The following MAST4 variants were observed in gnomAD, a reference collection of about 807,000 sequenced individuals.
MAST4 encodes the protein microtubule-associated serine/threonine-protein kinase 4.
A neutral mutation model predicts 162.7 loss-of-function variants in MAST4; 89 were observed. That is an observed-to-expected ratio of 0.55 (90% CI 0.46 to 0.65). MAST4 has a LOEUF of 0.65. Among genes scored for constraint, MAST4 ranks in the 30% least tolerant of loss-of-function variants. The pLI is 0.00. For missense variants in MAST4, 3,153 were observed against 3,374.0 expected, an observed-to-expected ratio of 0.93 and a Z score of 1.62; for synonymous variants, 1,479 against 1,361.1, an observed-to-expected ratio of 1.09 and a Z score of -1.91.
chr5:66,881,601 T>C (rs1339739346), intron 3 of MAST4, among the ~76,000 whole-genome samples: 1 of 152,226 alleles, frequency 6.6e-6, no homozygotes, highest in Non-Finnish European at 1.5e-5. Flanking sequence ...ATTTGTTGAC[T>C]TTTCCCAGTC....
chr5:67,160,646 A>G, intron 27 of MAST4, 54 bp downstream of exon 27: 1 of 1,556,490 alleles, frequency 6.4e-7, no homozygotes, highest in South Asian at 1.2e-5. Context: ...GTTGGGGAAA[A>G]GTTACCCCTT....
intron 4 of MAST4, among the ~76,000 whole-genome samples, chr5:66,929,169 A>G (rs910775640): frequency 1.4e-4 from 22 of 152,150 alleles, no homozygotes; most frequent in African/African-American, 5.3e-4. Context: ...AGGGAAACTA[A>G]TGGTGTAATT....
chr5:66,922,428 A>G (rs1010864433), intron 4 of MAST4, among the ~76,000 whole-genome samples: 2 of 152,132 alleles, frequency 1.3e-5, no homozygotes, highest in Non-Finnish European at 2.9e-5. Context: ...TTCCAGGTTA[A>G]CTCATGTCAA....
intron 1 of MAST4, among the ~76,000 whole-genome samples, chr5:66,647,520 T>C (rs1474636457): frequency 3.3e-5 from 5 of 151,848 alleles, no homozygotes; most frequent in Non-Finnish European, 7.4e-5. Flanking sequence ...AAACCAAATC[T>C]AAAAAATTTT....
chr5:66,825,384 C>T (rs151296900), intron 3 of MAST4, among the ~76,000 whole-genome samples: 15 of 151,690 alleles, frequency 9.9e-5, no homozygotes, highest in Admixed American at 2.6e-4. Flanking sequence ...AGCGCTATTA[C>T]GATCTTATGG....
At chr5:66,703,455 G>A (rs1266116403) in intron 1 of MAST4, among the ~76,000 whole-genome samples, 3 of 152,042 alleles carry the variant, frequency 2.0e-5, no homozygotes, top group Non-Finnish European at 4.4e-5. Flanking sequence ...GGGAGCATGG[G>A]GGTGTAGGGA....
intron 5 of MAST4, among the ~76,000 whole-genome samples, chr5:67,056,686 G>A (rs1406576971): frequency 6.6e-6 from 1 of 152,026 alleles, no homozygotes; most frequent in African/African-American, 2.4e-5. Context: ...CTGTCATTCA[G>A]GTTCTAAGAG....
At position 66,907,264 on chromosome 5, in the gene MAST4, A is replaced by G. The variant is rs570028853; in HGVS notation, c.674+7282A>G. ...GAATCCCAGGTCACCACACAGGAAC[A>G]GAAGAGGCCAGGCTTCTCCCCATTG... On this transcript the variant is annotated intron_variant, in intron 4 of 28. Transcript: ENST00000403625. Among the ~76,000 whole-genome samples, 207 of 149,862 alleles carry G rather than the reference A, an allele frequency of 1.4e-3. 1 individual carries two copies. The highest frequency in any genetic ancestry group is 1.5e-3 in the South Asian group (7 of 4,808).
chr5:67,017,488 A>G (rs1039127092), intron 4 of MAST4, among the ~76,000 whole-genome samples: 2 of 152,314 alleles, frequency 1.3e-5, no homozygotes, highest in African/African-American at 2.4e-5. Context: ...TTGAGATACA[A>G]TTTACACATG....
chr5:66,688,815 T>C (rs932552082), intron 1 of MAST4, among the ~76,000 whole-genome samples: 1 of 152,156 alleles, frequency 6.6e-6, no homozygotes, highest in Non-Finnish European at 1.5e-5. Context: ...TTGCTTATAC[T>C]AAGACTGGCT....
rs940094233 is a variant in MAST4, at chr5:66,939,347, C to T, written c.674+39365C>T. Among the ~76,000 whole-genome samples the T allele has an allele frequency of 6.2e-4, 94 of 152,198 alleles. 1 individual carries two copies. The highest frequency in any genetic ancestry group is 1.3e-4 in the Non-Finnish European group (9 of 67,998). On this transcript the variant is annotated intron_variant, in intron 4 of 28. Transcript: ENST00000403625. ...AACCAGAGAGGAAATAATATATACACGTATTCCACTTGCAAACTGTTTGCA... is the reference window on the plus strand; with the variant it reads ...AACCAGAGAGGAAATAATATATACATGTATTCCACTTGCAAACTGTTTGCA...
At chr5:66,955,880 A>G (rs1395805106) in intron 4 of MAST4, among the ~76,000 whole-genome samples, 1 of 152,048 alleles carries the variant, frequency 6.6e-6, no homozygotes. Flanking sequence ...TAAATGCCTG[A>G]TTATGTGTGT....
intron 3 of MAST4, among the ~76,000 whole-genome samples, chr5:66,832,204 CACGCCCCCCAA>C (rs149517184): frequency 0.011 from 1,676 of 152,204 alleles, 31 homozygotes; most frequent in African/African-American, 0.037. Context: ...CCTCCCCACA[CACGCCCCCCAA>C]TTAAATATTA....
At chr5:67,017,822 C>T (rs1753499100) in intron 4 of MAST4, among the ~76,000 whole-genome samples, 2 of 152,094 alleles carry the variant, frequency 1.3e-5, no homozygotes, top group Non-Finnish European at 2.9e-5. Context: ...TGATCTGGAA[C>T]TCCTAACCTT....
rs1773456728 is a variant in MAST4, at chr5:67,163,396, A to G, written c.4217A>G (p.Asn1406Ser). The change falls in exon 29 of 29, where the codon AAT (asparagine) becomes AGT (serine). Residue 1406 changes from asparagine (N) to serine (S), a missense_variant. Asn to Ser is a conservative substitution (Grantham distance 46, BLOSUM62 1). Transcript: ENST00000403625. This position sits in a 1 kb window ranked among gnomAD's most constrained non-coding sequence, Gnocchi z 7.0. ...PSPLLGHSLG[N>S]SKIAQAFPSK... ...CCTCTTCTGGGACACTCACTGGGCA[A>G]TTCCAAGATCGCGCAAGCCTTTCCC... 2 of 1,612,624 alleles carry G rather than the reference A, an allele frequency of 1.2e-6. No homozygotes were observed. The highest frequency in any genetic ancestry group is 1.7e-6 in the Non-Finnish European group (2 of 1,179,866).
At chr5:66,809,690 ATTTG>A (rs1756383830) in intron 3 of MAST4, among the ~76,000 whole-genome samples, 1 of 152,116 alleles carries the variant, frequency 6.6e-6, no homozygotes, top group Non-Finnish European at 1.5e-5. Flanking sequence ...AATTATTGCT[ATTTG>A]TTTCTTGTTC....
intron 3 of MAST4, among the ~76,000 whole-genome samples, chr5:66,845,811 C>T (rs745844061): frequency 5.9e-5 from 9 of 152,014 alleles, no homozygotes; most frequent in Non-Finnish European, 1.0e-4. Flanking sequence ...TTTAGGAACA[C>T]TTTAAGATTA....
intron 1 of MAST4, among the ~76,000 whole-genome samples, chr5:66,678,658 C>G (rs1365845914): frequency 6.6e-6 from 1 of 151,470 alleles, no homozygotes; most frequent in African/African-American, 2.4e-5. Flanking sequence ...CCACACTCAG[C>G]TAATTTTTGT....
chr5:66,842,456 C>T (rs75569023), intron 3 of MAST4, among the ~76,000 whole-genome samples: 1,553 of 152,224 alleles, frequency 0.01, 32 homozygotes, highest in African/African-American at 0.035. Flanking sequence ...TACCCCCTCC[C>T]GCCCCGCCAA....
Sources: gnomAD v4.1 joint callset for allele counts (sites outside exome capture counted in the v4.1 genomes callset) on GRCh38, gnomAD v4.1.1 for gene constraint, Gnocchi (gnomAD v3.1) non-coding constraint, MANE v1.5 for transcripts, NCBI Gene and HGNC (gene_info 2026-07-23, HGNC 2026-07-21) for gene names.